IFT122: variants seen among roughly 807,000 people sequenced by gnomAD.
The protein encoded by IFT122 is intraflagellar transport 122, also known as intraflagellar transport protein 122 homolog.
A neutral mutation model predicts 161.6 loss-of-function variants in IFT122; 118 were observed. The ratio of observed to expected loss-of-function variants is 0.73; its 90% CI spans 0.63 to 0.85. IFT122 has a LOEUF of 0.85. Ranked by LOEUF, IFT122 falls within the 40% of genes least tolerant of loss-of-function variation. The pLI, the probability that IFT122 is intolerant of heterozygous loss-of-function variation, is 0.00. For missense variants in IFT122, 1,381 were observed against 1,579.6 expected (o/e 0.87, Z 2.13); for synonymous variants, 550 against 602.4 (o/e 0.91, Z 1.27).
At chr3:129,498,481 C>T (rs1324470634) in intron 18 of IFT122, among the ~76,000 whole-genome samples, 1 of 152,194 alleles carries the variant, frequency 6.6e-6, no homozygotes, top group Non-Finnish European at 1.5e-5. Flanking sequence ...GCTTTCCAAG[C>T]CCCTTCCCTT....
intron 24 of IFT122, 52 bp downstream of exon 24, chr3:129,512,464 C>T: frequency 7.8e-7 from 1 of 1,277,338 alleles, no homozygotes; most frequent in Non-Finnish European, 1.1e-6. Flanking sequence ...TGTCTAATGG[C>T]CCCAAGAAAT....
At chr3:129,514,784 G>A in intron 25 of IFT122, 3 of 624,912 alleles carry the variant, frequency 4.8e-6, no homozygotes, top group Non-Finnish European at 8.6e-6. Flanking sequence ...CCCGGCCTCA[G>A]CCCTCAGCCT....
Position 129,519,711 on chromosome 3 carries a change from C to G in IFT122, c.3615C>G (p.Thr1205=), listed in dbSNP as rs762235183. The change falls in exon 29 of 30, where the codon ACC becomes ACG. Residue 1205 remains threonine, a synonymous_variant. Coordinates refer to ENST00000348417, the MANE Select transcript of IFT122 (RefSeq NM_052989.3). ...FRSLLPDASI[T]MCPSCFQMFH... ...CACTGCTGCCTGACGCCTCCATTAC[C>G]ATGTGCCCCTCCTGCTTCCAGGTAG... The G allele has an allele frequency of 1.2e-6, 2 of 1,613,762 alleles. No individual in the cohort carries two copies. Among genetic ancestry groups the G allele is most frequent in the Non-Finnish European group, 8.5e-7 (1 of 1,180,020 alleles).
intron 20 of IFT122, 121 bp downstream of exon 20, chr3:129,503,003 A>G: frequency 6.8e-6 from 6 of 888,682 alleles, no homozygotes; most frequent in Non-Finnish European, 1.0e-5. Flanking sequence ...TGGAAGGAAC[A>G]TTGGGCTGGC....
chr3:129,478,195 G>T lies in IFT122; in HGVS notation c.1327G>T (p.Ala443Ser). The T allele has an allele frequency of 6.2e-7, 1 of 1,614,170 alleles. No individual in the cohort carries two copies. Among genetic ancestry groups the T allele is most frequent in the South Asian group, 1.1e-5 (1 of 91,082 alleles). ...KFECNLLVVC[A>S]NHIILCQEKR... ...TGAGTGCAACCTCCTGGTGGTGTGT[G>T]CCAATCACATCATCCTGTGCCAGGT... The change falls in exon 12 of 30, where the codon GCC becomes TCC. Residue 443 changes from alanine to serine, a missense_variant. By Grantham distance (99) the Ala-to-Ser change is moderately conservative. This residue lies in a region of IFT122 where 544 missense variants were observed against 648.0 expected (regional missense o/e 0.84). Transcript: ENST00000348417.
intron 24 of IFT122, 27 bp downstream of exon 24, chr3:129,512,439 T>TCCCACCA (rs769736894): frequency 1.6e-5 from 23 of 1,465,868 alleles, no homozygotes; most frequent in Admixed American, 5.0e-5. Context: ...CCCTCCTCCG[T>TCCCACCA]CCCACCACCG....
At chr3:129,502,368 T>C (rs1308290004) in intron 19 of IFT122, among the ~76,000 whole-genome samples, 3 of 152,170 alleles carry the variant, frequency 2.0e-5, no homozygotes, top group South Asian at 4.1e-4. Flanking sequence ...TGCCCACCTC[T>C]TAGGGTGGTG....
intron 3 of IFT122, chr3:129,452,317 A>G: frequency 2.8e-6 from 1 of 358,934 alleles, no homozygotes; most frequent in South Asian, 2.4e-5. Flanking sequence ...ACATACAGTA[A>G]ACATAGTAAA....
intron 3 of IFT122, chr3:129,456,329 A>C (rs2075480538): frequency 8.7e-7 from 1 of 1,146,052 alleles, no homozygotes; most frequent in Non-Finnish European, 1.1e-6. Context: ...CCTAATATCT[A>C]CTATTTCAGC....
chr3:129,510,095 C>T (rs1463368392), intron 23 of IFT122, among the ~76,000 whole-genome samples: 2 of 152,206 alleles, frequency 1.3e-5, no homozygotes, highest in Non-Finnish European at 2.9e-5. Flanking sequence ...GATGAGGTCT[C>T]TGTCGCCCAA....
intron 17 of IFT122, 144 bp downstream of exon 17, chr3:129,492,338 G>A (rs758939857): frequency 3.0e-5 from 23 of 759,602 alleles, no homozygotes; most frequent in African/African-American, 6.9e-5. Flanking sequence ...GCCTTGCTCC[G>A]GGGGCAGAGT....
chr3:129,512,069 T>C (rs1030063775), intron 23 of IFT122, among the ~76,000 whole-genome samples: 4 of 152,194 alleles, frequency 2.6e-5, no homozygotes, highest in African/African-American at 9.7e-5. Flanking sequence ...GGGCAAATCA[T>C]CTATCTAGGT....
At position 129,514,455 on chromosome 3, in the gene IFT122, C is replaced by G. The variant is rs1418309413; in HGVS notation, c.3054C>G (p.Ala1018=). The G allele has an allele frequency of 6.2e-7, 1 of 1,614,098 alleles. No individual in the cohort carries two copies. Among genetic ancestry groups the G allele is most frequent in the African/African-American group, 1.3e-5 (1 of 74,940 alleles). Residue 1018 remains alanine, a synonymous_variant, in exon 25 of 30, where the codon GCC becomes GCG. Coordinates refer to ENST00000348417, the MANE Select transcript of IFT122 (RefSeq NM_052989.3). ...GTGCCTACAGGCTGGCCCGGCACGC[C>G]TATGACAAGCTGCGTGGCCTGTACA... The part of the protein sequence containing the change: ...ALGAYRLARH[A]YDKLRGLYIP...
rs747259787 is a variant in IFT122 at position 129,476,336 on chromosome 3, A to G, written c.838A>G (p.Asn280Asp). The G allele has an allele frequency of 1.9e-6, 3 of 1,614,126 alleles. 1 individual carries two copies. Among genetic ancestry groups the G allele is most frequent in the South Asian group, 1.1e-5 (1 of 91,078 alleles). The change falls in exon 10 of 30, where the codon AAC becomes GAC. Residue 280 changes from asparagine to aspartate, a missense_variant. Asn to Asp is a conservative substitution (Grantham distance 23). This residue lies in a region of IFT122 where 544 missense variants were observed against 648.0 expected (regional missense o/e 0.84). Transcript: ENST00000348417. ...TCAGATTGGAAAGGATCGGGCACTG[A>G]ACTTTGACCCCTGCTGCATCAGCTA... ...GKQIGKDRAL[N>D]FDPCCISYFT...
At chr3:129,445,756 A>G (rs1165651237) in intron 1 of IFT122, among the ~76,000 whole-genome samples, 1 of 152,238 alleles carries the variant, frequency 6.6e-6, no homozygotes, top group Non-Finnish European at 1.5e-5. Context: ...ATCCTCATCT[A>G]CAAAACAGAG....
rs2084611682 is a variant in IFT122 at position 129,520,465 on chromosome 3, GAA to G, written c.*201_*202del. Reference sequence around the variant, plus strand: ...AAATAGCACCAGGAGATGAGGAAGAGAATGTACATATATTTTCTAAGGAAAAA... The same window carrying G: ...AAATAGCACCAGGAGATGAGGAAGAGTGTACATATATTTTCTAAGGAAAAA... On this transcript the variant is annotated 3_prime_UTR_variant, in exon 30 of 30. Coordinates refer to ENST00000348417, the MANE Select transcript of IFT122 (RefSeq NM_052989.3). 3.2e-6 allele frequency: 2 copies of G among 634,834 alleles called. No homozygotes were observed. Among genetic ancestry groups the G allele is most frequent in the Admixed American group, 4.8e-5 (2 of 42,032 alleles). 39.3% of individuals were successfully genotyped at this position (634,834 alleles called of 1,614,324 possible).
chr3:129,464,657 C>G lies in IFT122; in HGVS notation c.439C>G (p.Leu147Val), dbSNP rs748070252. 1.2e-6 allele frequency: 2 copies of G among 1,609,848 alleles called. No individual in the cohort carries two copies. The highest frequency in any genetic ancestry group is 1.7e-5 in the Admixed American group (1 of 59,904). The part of the protein sequence containing the change: ...CCSWTNDGQY[L>V]ALGMFNGIIS... ...CAGCTGGACAAATGATGGTCAGTAC[C>G]TGGCGCTGGGGATGTTCAATGGGAT... The change falls in exon 7 of 30, where the codon CTG (leucine) becomes GTG (valine). Residue 147 changes from leucine to valine, a missense_variant. Physicochemically the swap from Leu to Val is conservative, Grantham distance 32 (BLOSUM62 1). Coordinates refer to ENST00000348417, the MANE Select transcript of IFT122 (RefSeq NM_052989.3).
intron 27 of IFT122, among the ~76,000 whole-genome samples, 167 bp downstream of exon 27, chr3:129,517,761 A>G (rs933164255): frequency 1.1e-4 from 16 of 152,198 alleles, no homozygotes; most frequent in African/African-American, 3.9e-4. Context: ...CAGGGATCAG[A>G]GATGGGCAGA....
At chr3:129,479,186 CCA>C (rs1454272093) in intron 12 of IFT122, among the ~76,000 whole-genome samples, 2 of 149,460 alleles carry the variant, frequency 1.3e-5, no homozygotes, top group Admixed American at 1.3e-4. Context: ...CTTTGGGAGG[CCA>C]AGGCAGGATG....
Sources: allele counts gnomAD v4.1 joint callset (sites outside exome capture counted in the v4.1 genomes callset), GRCh38; gene constraint gnomAD v4.1.1; regional missense constraint gnomAD v4.1.1; transcripts MANE v1.5; gene names NCBI Gene and HGNC (gene_info 2026-07-23, HGNC 2026-07-21).